The following EPS8 variants were observed in gnomAD, a reference collection of about 807,000 sequenced individuals.
EPS8 encodes EGFR pathway substrate 8, signaling adaptor, also known as epidermal growth factor receptor kinase substrate 8.
A neutral mutation model predicts 103.8 loss-of-function variants in EPS8; 42 were observed. The ratio of observed to expected loss-of-function variants is 0.40; its 90% CI spans 0.32 to 0.52. EPS8 has a LOEUF of 0.52. Ranked by LOEUF, EPS8 falls within the 20% of genes least tolerant of loss-of-function variation. The probability of loss-of-function intolerance (pLI) is 0.40; values close to 1 mark genes in which losing one functional copy is unlikely to be tolerated. For missense variants in EPS8, 969 were observed against 1,005.1 expected (o/e 0.96, Z 0.49); for synonymous variants, 344 against 344.6 (o/e 1.00, Z 0.02).
chr12:15,625,981 T>C (rs1461800718), intron 18 of EPS8, among the ~76,000 whole-genome samples: 1 of 152,348 alleles, frequency 6.6e-6, no homozygotes, highest in Admixed American at 6.5e-5. Flanking sequence ...CAAATGCATG[T>C]CAAATATAGC....
intron 12 of EPS8, among the ~76,000 whole-genome samples, chr12:15,655,184 T>TC (rs1273633648): frequency 6.6e-6 from 1 of 151,998 alleles, no homozygotes; most frequent in Non-Finnish European, 1.5e-5. Context: ...AGAAGGCCAT[T>TC]CCCCCATTAT....
rs576241660 is a variant in EPS8 at position 15,627,720 on chromosome 12, A to G, written c.2045-3313T>C. ...ATGCTAATGGAAAAGATGTGTGTGT[A>G]TATGAACATACTGTCATGACAAAAA... On this transcript the variant is annotated intron_variant, in intron 18 of 20. Transcript: ENST00000281172. Among the ~76,000 whole-genome samples the G allele has an allele frequency of 2.0e-5, 3 of 152,354 alleles. No homozygotes were observed. The East Asian group carries it at 5.8e-4, about 29-fold the overall frequency.
Position 15,631,617 on chromosome 12 carries a change from A to G in EPS8, c.1869T>C (p.Ala623=). ...YGPRPADTPP[A]PSPPPTPAPV... is the part of the protein sequence containing the mutation. ...GAGCTGGTGTTGGAGGAGGTGATGG[A>G]GCAGGGGGAGTATCAGCTGGTCTTG... Residue 623 remains alanine, a synonymous_variant, in exon 18 of 21, where the codon GCT becomes GCC. Transcript: ENST00000281172. 1 of 1,614,008 alleles carries G rather than the reference A, an allele frequency of 6.2e-7. No individual in the cohort carries two copies.
rs776107421 is a variant in EPS8, at chr12:15,631,686, A to C, written c.1822-22T>G. The C allele has an allele frequency of 1.9e-6, 3 of 1,554,112 alleles. 1 individual carries two copies. The South Asian group carries it at 3.5e-5, about 18-fold the overall frequency. ...GTTTCTATAAAAAGACAAATAATTAACTTAAAATTTAAAAAATATAAACCT... is the reference window on the plus strand; with the variant it reads ...GTTTCTATAAAAAGACAAATAATTACCTTAAAATTTAAAAAATATAAACCT... On this transcript the variant is annotated intron_variant, in intron 17 of 20. Coordinates refer to ENST00000281172, the MANE Select transcript of EPS8 (RefSeq NM_004447.6).
intron 20 of EPS8, among the ~76,000 whole-genome samples, chr12:15,622,129 G>A (rs530825518): frequency 6.6e-6 from 1 of 152,238 alleles, no homozygotes; most frequent in African/African-American, 2.4e-5. Context: ...TGGGATGAAG[G>A]AATTCAGAAT....
At chr12:15,679,267 C>T (rs1380298562) in intron 3 of EPS8, among the ~76,000 whole-genome samples, 1 of 152,154 alleles carries the variant, frequency 6.6e-6, no homozygotes, top group African/African-American at 2.4e-5. Context: ...TAAAAAACAT[C>T]AAAGGCTGCT....
chr12:15,786,628 A>T (rs911432368), intron 1 of EPS8, among the ~76,000 whole-genome samples: 10 of 152,134 alleles, frequency 6.6e-5, no homozygotes, highest in African/African-American at 2.4e-4. Flanking sequence ...CCGTATTTGT[A>T]GCTTTCCTGT....
chr12:15,788,809 T>G (rs1947337038), intron 1 of EPS8, among the ~76,000 whole-genome samples: 1 of 152,032 alleles, frequency 6.6e-6, no homozygotes, highest in African/African-American at 2.4e-5. Flanking sequence ...ATCGGGATAC[T>G]CGGTCTGCAG....
Position 15,752,315 on chromosome 12 carries a change from C to T in EPS8, c.-22+36846G>A, listed in dbSNP as rs1342165561. 2.2e-4 allele frequency among the ~76,000 whole-genome samples: 33 copies of T among 151,894 alleles called. No homozygotes were observed. Among genetic ancestry groups the T allele is most frequent in the African/African-American group, 7.5e-4 (31 of 41,416 alleles). On this transcript the variant is annotated intron_variant, in intron 1 of 20. Transcript: ENST00000281172. This position sits in a 1 kb window ranked among gnomAD's most constrained non-coding sequence, Gnocchi z 4.4. ...ACAAAAAATTAGCCAGGTGTGGTGG[C>T]GGGTGCCTGTAGTCCCAGCTACAAG...
At position 15,787,411 on chromosome 12, in the gene EPS8, G is replaced by C. The variant is rs904718007; in HGVS notation, c.-22+1750C>G. Among the ~76,000 whole-genome samples, 3 of 152,146 alleles carry C rather than the reference G, an allele frequency of 2.0e-5. No homozygotes were observed. Among genetic ancestry groups the C allele is most frequent in the Admixed American group, 6.5e-5 (1 of 15,276 alleles). On this transcript the variant is annotated intron_variant, in intron 1 of 20. Coordinates refer to ENST00000281172, the MANE Select transcript of EPS8 (RefSeq NM_004447.6). This position sits in a 1 kb window ranked among gnomAD's most constrained non-coding sequence, Gnocchi z 4.9. Reference sequence around the variant, plus strand: ...AAATAAAAACAAAATAAATCTTTAAGTTTGATCACAAACAAGCAAAATATT... The same window carrying C: ...AAATAAAAACAAAATAAATCTTTAACTTTGATCACAAACAAGCAAAATATT...
intron 15 of EPS8, 46 bp downstream of exon 15, chr12:15,647,081 G>A (rs775533144): frequency 1.9e-6 from 3 of 1,577,566 alleles, no homozygotes; most frequent in Non-Finnish European, 2.6e-6. Flanking sequence ...CACTAGATCA[G>A]AGACATTTAT....
At chr12:15,708,784 T>C (rs1946422388) in intron 1 of EPS8, among the ~76,000 whole-genome samples, 1 of 152,218 alleles carries the variant, frequency 6.6e-6, no homozygotes, top group African/African-American at 2.4e-5. Context: ...CACTATGAAC[T>C]CACAGAAAAT....
rs1369484911 is a variant in EPS8 at position 15,660,729 on chromosome 12, G to A, written c.822C>T (p.Asn274=). The A allele has an allele frequency of 1.9e-6, 3 of 1,593,014 alleles. No individual in the cohort carries two copies. Among genetic ancestry groups the A allele is most frequent in the East Asian group, 2.2e-5 (1 of 44,654 alleles). ...ARIDRDVQIL[N]HILDDIEFFI... is the part of the protein sequence containing the mutation. Reference sequence around the variant, plus strand: ...AAAATTCAATGTCATCCAAAATGTGGTTTAAGATTTGCTGAAATTAGAAAT... The same window carrying A: ...AAAATTCAATGTCATCCAAAATGTGATTTAAGATTTGCTGAAATTAGAAAT... The change falls in exon 10 of 21, where the codon AAC becomes AAT. Residue 274 remains asparagine, a synonymous_variant. Transcript: ENST00000281172.
rs1458294894 is a variant in EPS8 at position 15,751,050 on chromosome 12, T to C, written c.-22+38111A>G. 6.6e-6 allele frequency among the ~76,000 whole-genome samples: 1 copy of C among 152,116 alleles called. No homozygotes were observed. The highest frequency in any genetic ancestry group is 1.5e-5 in the Non-Finnish European group (1 of 68,028). ...GTCACAATAAGGACCAAATCCTTAGTTCAGCATTCAAGAATCCACATTATC... is the reference window on the plus strand; with the variant it reads ...GTCACAATAAGGACCAAATCCTTAGCTCAGCATTCAAGAATCCACATTATC... On this transcript the variant is annotated intron_variant, in intron 1 of 20. Coordinates refer to ENST00000281172, the MANE Select transcript of EPS8 (RefSeq NM_004447.6). This position sits in a 1 kb window ranked among gnomAD's most constrained non-coding sequence, Gnocchi z 4.3.
intron 1 of EPS8, among the ~76,000 whole-genome samples, chr12:15,720,030 T>G (rs1236138497): frequency 6.6e-6 from 1 of 152,206 alleles, no homozygotes; most frequent in Non-Finnish European, 1.5e-5. Context: ...AATGTAGTTG[T>G]AAAGAATTCA....
At position 15,781,225 on chromosome 12, in the gene EPS8, G is replaced by C. The variant is rs754807625; in HGVS notation, c.-22+7936C>G. ...AGAAAACAAAGCTAGAAGAATCTTT[G>C]TGGAGCTTAAATACACAAACTTTTT... is the stretch of plus-strand genomic sequence containing the variant. On this transcript the variant is annotated intron_variant, in intron 1 of 20. Coordinates refer to ENST00000281172, the MANE Select transcript of EPS8 (RefSeq NM_004447.6). The surrounding 1 kb of genome is among the most constrained non-coding windows in gnomAD (Gnocchi z 4.1). Among the ~76,000 whole-genome samples, 11 of 152,194 alleles carry C rather than the reference G, an allele frequency of 7.2e-5. No individual in the cohort carries two copies. Among genetic ancestry groups the C allele is most frequent in the Non-Finnish European group, 1.5e-4 (10 of 68,028 alleles).
intron 3 of EPS8, among the ~76,000 whole-genome samples, chr12:15,679,683 C>A (rs887255033): frequency 3.3e-5 from 5 of 152,184 alleles, no homozygotes; most frequent in African/African-American, 9.7e-5. Context: ...ACCTCCTACA[C>A]ACTACTATCT....
intron 15 of EPS8, among the ~76,000 whole-genome samples, chr12:15,643,594 C>T (rs1945268287): frequency 6.6e-6 from 1 of 151,996 alleles, no homozygotes; most frequent in Non-Finnish European, 1.5e-5. Flanking sequence ...ACAAAATTAG[C>T]TGGGCACGGT....
intron 1 of EPS8, among the ~76,000 whole-genome samples, chr12:15,768,658 A>T (rs1469491850): frequency 6.6e-6 from 1 of 151,996 alleles, no homozygotes; most frequent in Non-Finnish European, 1.5e-5. Context: ...AAGCAAAATA[A>T]TCTCCCTCCA....
Sources: allele counts gnomAD v4.1 joint callset (sites outside exome capture counted in the v4.1 genomes callset), GRCh38; gene constraint gnomAD v4.1.1; non-coding constraint Gnocchi (gnomAD v3.1); transcripts MANE v1.5; gene names NCBI Gene and HGNC (gene_info 2026-07-23, HGNC 2026-07-21).